CLSTN1: variants seen among roughly 807,000 people sequenced by gnomAD.
CLSTN1 encodes the protein calsyntenin-1.
A neutral mutation model predicts 108.3 loss-of-function variants in CLSTN1; 28 were observed. The ratio of observed to expected loss-of-function variants is 0.26; its 90% CI spans 0.19 to 0.35. The LOEUF is 0.35. Among genes scored for constraint, CLSTN1 ranks in the 10% least tolerant of loss-of-function variants. CLSTN1 has a pLI of 1.00. For missense variants in CLSTN1, 1,157 were observed against 1,302.6 expected (o/e 0.89, Z 1.72); for synonymous variants, 524 against 534.9 (o/e 0.98, Z 0.28).
intron 7 of CLSTN1, among the ~76,000 whole-genome samples, chr1:9,744,903 C>T (rs896069117): frequency 6.6e-5 from 10 of 151,906 alleles, no homozygotes; most frequent in Admixed American, 5.2e-4. Context: ...ACAGGCGCGC[C>T]CCATTAAAAC....
At chr1:9,758,630 T>C (rs1651929995) in intron 2 of CLSTN1, among the ~76,000 whole-genome samples, 1 of 152,204 alleles carries the variant, frequency 6.6e-6, no homozygotes, top group South Asian at 2.1e-4. Context: ...TGCTTTTTCA[T>C]GCAACTTTGT....
Position 9,734,256 on chromosome 1 carries a change from C to G in CLSTN1, c.2111-114G>C, listed in dbSNP as rs947395872. 2.0e-6 allele frequency: 2 copies of G among 1,020,848 alleles called. No homozygotes were observed. Among genetic ancestry groups the G allele is most frequent in the East Asian group, 2.4e-5 (1 of 40,832 alleles). The allele number at this position is 1,020,848 out of a possible 1,614,324, so 63.2% of individuals were successfully genotyped here. A position where few individuals can be genotyped will look rare whatever the true frequency, so the allele number is the denominator to read the frequency against. ...AAACCTACATGGCTCTCGTAAGGAC[C>G]AACGACAGAAGCAAGCGAGAGTTGC... On this transcript the variant is annotated intron_variant, in intron 14 of 18. Coordinates refer to ENST00000377298, the MANE Select transcript of CLSTN1 (RefSeq NM_001009566.3). This position sits in a 1 kb window ranked among gnomAD's most constrained non-coding sequence, Gnocchi z 4.8.
At chr1:9,801,388 T>A (rs1290232705) in intron 1 of CLSTN1, among the ~76,000 whole-genome samples, 1 of 152,146 alleles carries the variant, frequency 6.6e-6, no homozygotes, top group Non-Finnish European at 1.5e-5. Context: ...GACCTGTATC[T>A]CTTAGAGAAA....
intron 10 of CLSTN1, among the ~76,000 whole-genome samples, chr1:9,739,386 G>C (rs997309015): frequency 6.6e-6 from 1 of 152,190 alleles, no homozygotes; most frequent in Admixed American, 6.5e-5. Flanking sequence ...AGTACCACTG[G>C]TGTTACTGTT....
In CLSTN1 at chr1:9,733,511, G is replaced by A; in HGVS notation, c.2317C>T (p.His773Tyr). The A allele has an allele frequency of 6.2e-7, 1 of 1,614,162 alleles. No individual in the cohort carries two copies. Among genetic ancestry groups the A allele is most frequent in the African/African-American group, 1.3e-5 (1 of 75,048 alleles). The change falls in exon 16 of 19, where the codon CAC (histidine) becomes TAC (tyrosine). Residue 773 changes from histidine to tyrosine, a missense_variant. Physicochemically the swap from His to Tyr is moderately conservative, Grantham distance 83. Coordinates refer to ENST00000377298, the MANE Select transcript of CLSTN1 (RefSeq NM_001009566.3). ...DTMASYEEVL[H>Y]LLRYRNWHAR... The stretch of plus-strand genomic sequence containing the variant: ...TGCCAGTTCCGATAGCGCAGCAGGT[G>A]CAAAACCTCCTCGTAGCTGGCCATG...
intron 10 of CLSTN1, 100 bp from the exon 11 acceptor site, chr1:9,737,654 A>C: frequency 2.0e-6 from 2 of 1,019,018 alleles, no homozygotes; most frequent in Non-Finnish European, 3.1e-6. Context: ...ACTATAAAAC[A>C]TGAAGAGAAA....
At chr1:9,739,064 G>C (rs2101085772) in intron 10 of CLSTN1, among the ~76,000 whole-genome samples, 1 of 152,336 alleles carries the variant, frequency 6.6e-6, no homozygotes, top group South Asian at 2.1e-4. Flanking sequence ...GCAGAGTCCA[G>C]TGCAAGGGTC....
intron 7 of CLSTN1, among the ~76,000 whole-genome samples, chr1:9,745,513 C>A (rs575943977): frequency 6.6e-6 from 1 of 151,734 alleles, no homozygotes; most frequent in Non-Finnish European, 1.5e-5. Flanking sequence ...AAAAATTAGC[C>A]AGGTGTGGTG....
chr1:9,783,016 AAGAG>A (rs796467071), intron 1 of CLSTN1, among the ~76,000 whole-genome samples: 4 of 151,960 alleles, frequency 2.6e-5, no homozygotes, highest in South Asian at 4.2e-4. Context: ...CAAAAAGAAA[AAGAG>A]AGAGAGAGGC....
At position 9,792,213 on chromosome 1, in the gene CLSTN1, C is replaced by CA. The variant is rs543161958; in HGVS notation, c.92-18820dup. 7.3e-5 allele frequency among the ~76,000 whole-genome samples: 11 copies of CA among 150,342 alleles called. 2 individuals carry two copies. In the East Asian group the frequency reaches 1.0e-3, roughly 14 times the overall value. Reference sequence around the variant, plus strand: ...GGAAAAACAACAACAACAACAACAACAAAAAAAACAGGCCAGGCACCAACC... The same window carrying CA: ...GGAAAAACAACAACAACAACAACAACAAAAAAAAACAGGCCAGGCACCAACC... On this transcript the variant is annotated intron_variant, in intron 1 of 18. Transcript: ENST00000377298.
At chr1:9,824,227 G>A (rs1206925172), upstream of CLSTN1, 1 of 151,068 alleles carries the variant, frequency 6.6e-6, no homozygotes, top group Non-Finnish European at 1.5e-5. This position sits in a 1 kb window ranked among gnomAD's most constrained non-coding sequence, Gnocchi z 5.0. Context: ...GCGGCCGGGA[G>A]GGGCCCGGGG....
In CLSTN1 at chr1:9,754,437, T is replaced by C. The variant is rs1040824279; in HGVS notation, c.440+677A>G. ...AGCCAGGCGTGGTGGCAGGCACCTG[T>C]AATCCCAGCTACTCGGGAGGCTGAG... On this transcript the variant is annotated intron_variant, in intron 4 of 18. Coordinates refer to ENST00000377298, the MANE Select transcript of CLSTN1 (RefSeq NM_001009566.3). Among the ~76,000 whole-genome samples the C allele has an allele frequency of 9.9e-5, 15 of 152,142 alleles. No homozygotes were observed. The South Asian group carries it at 1.5e-3, about 15-fold the overall frequency.
chr1:9,757,244 GTT>G (rs774259645), intron 2 of CLSTN1, among the ~76,000 whole-genome samples: 16 of 140,412 alleles, frequency 1.1e-4, no homozygotes, highest in Non-Finnish European at 9.4e-5. Flanking sequence ...GGAGCAAAAG[GTT>G]TTTTTTTTTT....
chr1:9,793,652 CT>C (rs113167365), intron 1 of CLSTN1, among the ~76,000 whole-genome samples: 2 of 151,668 alleles, frequency 1.3e-5, no homozygotes, highest in African/African-American at 4.8e-5. Flanking sequence ...CTCCAAGACG[CT>C]TTTTGCCCTC....
At chr1:9,797,484 T>G (rs1654061663) in intron 1 of CLSTN1, among the ~76,000 whole-genome samples, 1 of 151,986 alleles carries the variant, frequency 6.6e-6, no homozygotes, top group African/African-American at 2.4e-5. Flanking sequence ...AAATAAATTT[T>G]TTTAAAATTA....
At chr1:9,804,361 CAAAAAA>C (rs35632390) in intron 1 of CLSTN1, among the ~76,000 whole-genome samples, 1 of 65,124 alleles carries the variant, frequency 1.5e-5, no homozygotes, top group African/African-American at 4.9e-5. Context: ...GACTCCATCT[CAAAAAA>C]AAAAAAAAAA....
chr1:9,779,117 C>T (rs958173856), intron 1 of CLSTN1, among the ~76,000 whole-genome samples: 25 of 152,118 alleles, frequency 1.6e-4, no homozygotes, highest in Admixed American at 5.9e-4. Context: ...GGGGGTCTGC[C>T]GGCAGGAGGT....
chr1:9,762,394 G>GT (rs1557703195), intron 2 of CLSTN1, among the ~76,000 whole-genome samples: 2 of 151,530 alleles, frequency 1.3e-5, no homozygotes, highest in African/African-American at 4.9e-5. Flanking sequence ...CCGGGAGGCA[G>GT]AAGTTGCAGT....
At position 9,823,862 on chromosome 1, in the gene CLSTN1, AGCCGCCGCC is replaced by A. The variant is rs987047680; in HGVS notation, c.-138_-130del. On this transcript the variant is annotated 5_prime_UTR_variant, in exon 1 of 19. Transcript: ENST00000377298. The surrounding 1 kb of genome is among the most constrained non-coding windows in gnomAD (Gnocchi z 6.3). ...GGGGAGCTCCGGGGGTCCAAGGAGGAGCCGCCGCCGCCGCCGCCGTGACGCTGGGCCGCG... is the reference window on the plus strand; with the variant it reads ...GGGGAGCTCCGGGGGTCCAAGGAGGAGCCGCCGCCGTGACGCTGGGCCGCG... The A allele has an allele frequency of 1.4e-4, 42 of 292,132 alleles. No individual in the cohort carries two copies. In the Admixed American group the frequency reaches 1.9e-3, roughly 13 times the overall value. The allele number at this position is 292,132 out of a possible 1,614,324, so 18.1% of individuals were successfully genotyped here. A position where few individuals can be genotyped will look rare whatever the true frequency, so the allele number is the denominator to read the frequency against.
Sources: gnomAD v4.1 joint callset for allele counts (sites outside exome capture counted in the v4.1 genomes callset) on GRCh38, gnomAD v4.1.1 for gene constraint, Gnocchi (gnomAD v3.1) non-coding constraint, MANE v1.5 for transcripts, NCBI Gene and HGNC (gene_info 2026-07-23, HGNC 2026-07-21) for gene names.